TANGO6: variants seen among roughly 807,000 people sequenced by gnomAD.
TANGO6 encodes transport and Golgi organization protein 6 homolog.
In TANGO6, 90 loss-of-function variants were observed where a neutral mutation model predicts 114.2. The observed-to-expected ratio is 0.79, with a 90% confidence interval of 0.66 to 0.94. TANGO6 has a LOEUF of 0.94. Ranked by LOEUF, TANGO6 falls within the 40% of genes least tolerant of loss-of-function variation. The pLI, the probability that TANGO6 is intolerant of heterozygous loss-of-function variation, is 0.00. For missense variants in TANGO6, 1,274 were observed against 1,315.3 expected (o/e 0.97, Z 0.49); for synonymous variants, 477 against 509.8 (o/e 0.94, Z 0.87).
At chr16:68,860,840 G>A (rs1962082552) in intron 2 of TANGO6, among the ~76,000 whole-genome samples, 2 of 152,138 alleles carry the variant, frequency 1.3e-5, no homozygotes, top group African/African-American at 4.8e-5. Context: ...TCGGAAGGTG[G>A]TTGTGAGGAT....
At chr16:68,868,125 A>T (rs1237139473) in intron 4 of TANGO6, 3 of 151,586 alleles carry the variant, frequency 2.0e-5, no homozygotes, top group Non-Finnish European at 4.4e-5. Flanking sequence ...GCCTGGACAA[A>T]AAAAGCAAGA....
intron 15 of TANGO6, among the ~76,000 whole-genome samples, chr16:69,012,872 G>C (rs1190711778): frequency 1.3e-5 from 2 of 152,174 alleles, no homozygotes; most frequent in African/African-American, 2.4e-5. Context: ...AGTTTCAACT[G>C]AGTCAATGGG....
At chr16:68,890,077 G>C (rs1253516178) in intron 7 of TANGO6, among the ~76,000 whole-genome samples, 1 of 152,108 alleles carries the variant, frequency 6.6e-6, no homozygotes, top group Non-Finnish European at 1.5e-5. Flanking sequence ...GTTTTAGAAG[G>C]CTGTATTTGA....
At chr16:69,046,340 A>G (rs560957316) in intron 17 of TANGO6, among the ~76,000 whole-genome samples, 1 of 144,396 alleles carries the variant, frequency 6.9e-6, no homozygotes, top group Non-Finnish European at 1.5e-5. Context: ...TTTTTTTTAG[A>G]TGGAGTTTTA....
chr16:68,871,651 G>T (rs1962270443), intron 4 of TANGO6, among the ~76,000 whole-genome samples: 2 of 151,838 alleles, frequency 1.3e-5, no homozygotes, highest in South Asian at 2.1e-4. Context: ...ACAGGGTCTT[G>T]CTCTGTCTCC....
chr16:69,007,533 G>C (rs1051320963), intron 15 of TANGO6, among the ~76,000 whole-genome samples: 3 of 151,880 alleles, frequency 2.0e-5, no homozygotes, highest in African/African-American at 7.3e-5. Flanking sequence ...CCAAAGTGCT[G>C]GGATTACAGG....
chr16:68,897,927 C>T (rs1962728616), intron 7 of TANGO6, among the ~76,000 whole-genome samples: 1 of 152,076 alleles, frequency 6.6e-6, no homozygotes, highest in South Asian at 2.1e-4. Context: ...GGAATGTGCT[C>T]AGTTGAGTTC....
chr16:68,927,915 T>A lies in TANGO6; in HGVS notation c.2475T>A (p.Thr825=). ...IIPQGVNEPS[T]TTSQKSGSVT... ...CTCAAGGAGTCAATGAGCCCAGCAC[T>A]ACTACAAGTCAGAAATCTGGAAGCG... Residue 825 remains threonine, a synonymous_variant, in exon 13 of 18, where the codon ACT becomes ACA. Transcript: ENST00000261778. 6.2e-7 allele frequency: 1 copy of A among 1,613,922 alleles called. No individual in the cohort carries two copies. Among genetic ancestry groups the A allele is most frequent in the Non-Finnish European group, 8.5e-7 (1 of 1,179,852 alleles).
chr16:68,938,124 A>T (rs1003057330), intron 14 of TANGO6, among the ~76,000 whole-genome samples: 6 of 152,208 alleles, frequency 3.9e-5, no homozygotes, highest in African/African-American at 1.4e-4. Context: ...TCTTTTTATC[A>T]AAGCTGTCGA....
At chr16:68,921,738 T>C (rs970545447) in intron 12 of TANGO6, among the ~76,000 whole-genome samples, 1 of 151,720 alleles carries the variant, frequency 6.6e-6, no homozygotes, top group Non-Finnish European at 1.5e-5. Flanking sequence ...GGGCTGGCTG[T>C]GCACATTAGT....
At chr16:69,020,941 T>G (rs999698946) in intron 15 of TANGO6, among the ~76,000 whole-genome samples, 1 of 137,072 alleles carries the variant, frequency 7.3e-6, no homozygotes, top group African/African-American at 2.9e-5. Flanking sequence ...TGTGTGTGTG[T>G]GGTGTGTGTG....
chr16:68,911,116 AT>A (rs950785183), intron 11 of TANGO6, among the ~76,000 whole-genome samples: 5 of 151,862 alleles, frequency 3.3e-5, no homozygotes, highest in Non-Finnish European at 4.4e-5. Flanking sequence ...AGACCCTATA[AT>A]TTATTTTATT....
chr16:69,055,632 C>T (rs1294357202), intron 17 of TANGO6, among the ~76,000 whole-genome samples: 1 of 152,246 alleles, frequency 6.6e-6, no homozygotes, highest in Non-Finnish European at 1.5e-5. Flanking sequence ...TGTGCAAAGT[C>T]AGGCTGGGGC....
intron 14 of TANGO6, 90 bp from the exon 15 acceptor site, chr16:68,973,936 ATC>A: frequency 1.4e-6 from 2 of 1,416,908 alleles, no homozygotes; most frequent in African/African-American, 2.8e-5. Flanking sequence ...GGTTTTCAGC[ATC>A]TCTGCGTTCA....
chr16:68,964,786 G>T (rs930334742), intron 14 of TANGO6, among the ~76,000 whole-genome samples: 4 of 151,576 alleles, frequency 2.6e-5, no homozygotes, highest in Non-Finnish European at 1.5e-5. Context: ...GGCCAGTCTC[G>T]AATTCCTGGC....
intron 15 of TANGO6, among the ~76,000 whole-genome samples, chr16:68,977,637 A>T (rs1448414888): frequency 2.0e-5 from 3 of 149,774 alleles, no homozygotes; most frequent in Non-Finnish European, 3.0e-5. Flanking sequence ...CGGGAGGCAG[A>T]GGTTGCAGTG....
chr16:68,912,521 A>G (rs1192422470), intron 11 of TANGO6, among the ~76,000 whole-genome samples: 1 of 152,002 alleles, frequency 6.6e-6, no homozygotes, highest in East Asian at 1.9e-4. Context: ...TATAATCCCA[A>G]CTACTGGGAG....
In TANGO6 at chr16:68,891,503, C is replaced by T. The variant is rs141939564; in HGVS notation, c.1378-8931C>T. 9.9e-5 allele frequency among the ~76,000 whole-genome samples: 15 copies of T among 152,246 alleles called. No homozygotes were observed. The East Asian group carries it at 2.9e-3, about 29-fold the overall frequency. On this transcript the variant is annotated intron_variant, in intron 7 of 17. Coordinates refer to ENST00000261778, the MANE Select transcript of TANGO6 (RefSeq NM_024562.2). ...AAGAAAGAAATGGAGCATGTGAGAA[C>T]TGCTTTCTGTTTTGTTTTATTTTGT... is the stretch of plus-strand genomic sequence containing the variant.
At chr16:68,856,990 TC>T (rs34700469) in intron 1 of TANGO6, among the ~76,000 whole-genome samples, 5 of 152,148 alleles carry the variant, frequency 3.3e-5, no homozygotes, top group Non-Finnish European at 5.9e-5. Context: ...GCCCCTGTAG[TC>T]CCAGCTACTC....
Sources: allele counts gnomAD v4.1 joint callset (sites outside exome capture counted in the v4.1 genomes callset), GRCh38; gene constraint gnomAD v4.1.1; transcripts MANE v1.5; gene names NCBI Gene and HGNC (gene_info 2026-07-23, HGNC 2026-07-21).